The following TMC2 variants were observed in gnomAD, a reference collection of about 807,000 sequenced individuals.
TMC2 encodes the protein transmembrane channel-like protein 2.
A neutral mutation model predicts 105.9 loss-of-function variants in TMC2; 102 were observed. That is an observed-to-expected ratio of 0.96 (90% CI 0.82 to 1.14). The LOEUF (loss-of-function observed/expected upper bound fraction) is 1.14, where lower values mean the gene tolerates loss of function less well. TMC2 is among the 50% of genes most tolerant of loss of function. The pLI is 0.00. For missense variants in TMC2, 1,093 were observed against 1,134.3 expected (o/e 0.96, Z 0.52); for synonymous variants, 402 against 422.8 (o/e 0.95, Z 0.60).
intron 11 of TMC2, among the ~76,000 whole-genome samples, chr20:2,602,919 C>A (rs1291287954): frequency 6.6e-6 from 1 of 152,220 alleles, no homozygotes; most frequent in Non-Finnish European, 1.5e-5. Flanking sequence ...TCTGTGTCCT[C>A]CATCTTTTGA....
In TMC2 at chr20:2,643,348, G is replaced by A. The variant is rs577321780; in HGVS notation, c.*1997G>A. Among the ~76,000 whole-genome samples, 3 of 152,282 alleles carry A rather than the reference G, an allele frequency of 2.0e-5. No homozygotes were observed. Among genetic ancestry groups the A allele is most frequent in the African/African-American group, 7.2e-5 (3 of 41,544 alleles). On this transcript the variant is annotated 3_prime_UTR_variant, in exon 20 of 20. Transcript: ENST00000358864. ...CTGGCCTTCTGCATCAGAATGCCAG[G>A]CCCTGAGGCAGGGAACACTCTGCCT...
chr20:2,613,356 G>A (rs1486810544), intron 14 of TMC2, 34 bp downstream of exon 14: 1 of 1,613,642 alleles, frequency 6.2e-7, no homozygotes, highest in Non-Finnish European at 8.5e-7. Context: ...TCCGCACAAA[G>A]GAATTTCAAC....
intron 7 of TMC2, among the ~76,000 whole-genome samples, chr20:2,583,882 C>G (rs1183413149): frequency 6.6e-6 from 1 of 152,044 alleles, no homozygotes; most frequent in East Asian, 1.9e-4. Context: ...TAAGCCATAC[C>G]CAAAATGCTA....
rs572140578 is a variant in TMC2 at position 2,597,150 on chromosome 20, G to C, written c.1077-1G>C. On this transcript the variant is annotated splice_acceptor_variant, in intron 9 of 19. Transcript: ENST00000358864. LOFTEE classifies it high-confidence loss of function. Reference sequence around the variant, plus strand: ...TCACAACAGTGCTGTGTGCCCTACAGGATGGCCAGCAATACCCAAGGAAGC... The same window carrying C: ...TCACAACAGTGCTGTGTGCCCTACACGATGGCCAGCAATACCCAAGGAAGC... 2 of 1,613,476 alleles carry C rather than the reference G, an allele frequency of 1.2e-6. No individual in the cohort carries two copies. The highest frequency in any genetic ancestry group is 1.7e-6 in the Non-Finnish European group (2 of 1,179,864).
intron 5 of TMC2, among the ~76,000 whole-genome samples, chr20:2,575,629 C>T (rs866200988): frequency 1.3e-5 from 2 of 152,154 alleles, no homozygotes; most frequent in African/African-American, 4.8e-5. Flanking sequence ...TAGACAAATA[C>T]ATCTTTGATA....
chr20:2,556,868 C>CTTT (rs35012600), intron 2 of TMC2, among the ~76,000 whole-genome samples: 1 of 147,432 alleles, frequency 6.8e-6, no homozygotes. Flanking sequence ...GAATTCTGTC[C>CTTT]TTTTTTTTTT....
At chr20:2,557,389 C>G (rs1600099290) in intron 2 of TMC2, among the ~76,000 whole-genome samples, 1 of 152,084 alleles carries the variant, frequency 6.6e-6, no homozygotes, top group South Asian at 2.1e-4. Context: ...TTCTTTACTT[C>G]TATTATAGTG....
chr20:2,619,928 G>A (rs1242777234), intron 16 of TMC2, among the ~76,000 whole-genome samples: 1 of 152,020 alleles, frequency 6.6e-6, no homozygotes, highest in Non-Finnish European at 1.5e-5. Context: ...AAAGGAACTT[G>A]GCTAGCCAGG....
In TMC2 at chr20:2,637,526, G is replaced by C. The variant is rs1420251103; in HGVS notation, c.2438G>C (p.Arg813Thr). The C allele has an allele frequency of 1.9e-6, 3 of 1,614,070 alleles. No homozygotes were observed. Among genetic ancestry groups the C allele is most frequent in the East Asian group, 4.5e-5 (2 of 44,878 alleles). ...HKSVKGKATA[R>T]DSEDTPKSSS... is the part of the protein sequence containing the mutation. ...TCTGTAAAAGGCAAAGCCACAGCCA[G>C]AGATTCAGAGGACACACCTAAAAGC... Residue 813 changes from arginine to threonine, a missense_variant, in exon 19 of 20, where the codon AGA becomes ACA. Coordinates refer to ENST00000358864, the MANE Select transcript of TMC2 (RefSeq NM_080751.3).
At chr20:2,608,122 TAA>T (rs201069847) in intron 11 of TMC2, among the ~76,000 whole-genome samples, 11 of 130,438 alleles carry the variant, frequency 8.4e-5, no homozygotes, top group Admixed American at 1.5e-4. Context: ...AAAACTGTCT[TAA>T]AAAAAAAAAA....
chr20:2,539,021 A>T (rs2085870645), intron 2 of TMC2, among the ~76,000 whole-genome samples: 1 of 152,110 alleles, frequency 6.6e-6, no homozygotes, highest in Admixed American at 6.5e-5. Context: ...CTCCTCCTGT[A>T]TCATTTGGTA....
At chr20:2,602,912 G>C (rs1212397898) in intron 11 of TMC2, among the ~76,000 whole-genome samples, 3 of 152,228 alleles carry the variant, frequency 2.0e-5, no homozygotes, top group Non-Finnish European at 4.4e-5. Context: ...GGTGGAATCT[G>C]TGTCCTCCAT....
At chr20:2,629,553 C>T (rs2086588753) in intron 17 of TMC2, among the ~76,000 whole-genome samples, 1 of 75,930 alleles carries the variant, frequency 1.3e-5, no homozygotes, top group Non-Finnish European at 2.8e-5. Flanking sequence ...AAAAAGTGAC[C>T]TCAAAAGGTG....
intron 5 of TMC2, among the ~76,000 whole-genome samples, chr20:2,573,032 T>G (rs2086114536): frequency 6.7e-6 from 1 of 148,494 alleles, no homozygotes; most frequent in African/African-American, 2.5e-5. Context: ...AAGAGCTCAC[T>G]GCAGCCTTGA....
chr20:2,582,909 C>T (rs2086204953), intron 7 of TMC2, among the ~76,000 whole-genome samples: 1 of 152,206 alleles, frequency 6.6e-6, no homozygotes, highest in South Asian at 2.1e-4. Context: ...CCATTGCCTG[C>T]ACAACCCAGG....
intron 11 of TMC2, among the ~76,000 whole-genome samples, chr20:2,605,643 G>A (rs1011530898): frequency 2.0e-5 from 3 of 152,154 alleles, no homozygotes; most frequent in African/African-American, 4.8e-5. Flanking sequence ...CAAATTTGTG[G>A]GAGGAGGAGG....
intron 2 of TMC2, among the ~76,000 whole-genome samples, chr20:2,551,404 T>G (rs983855652): frequency 6.6e-6 from 1 of 151,740 alleles, no homozygotes; most frequent in Non-Finnish European, 1.5e-5. Context: ...TTTGTGGGTT[T>G]TTTTTTTTAA....
rs1176912972 is a variant in TMC2, at chr20:2,641,402, C to T, written c.*51C>T. ...CCCTAGGGCTGATCCTCAAGTACCCCAGTTTCACACATACCAAACCAAGGT... is the reference window on the plus strand; with the variant it reads ...CCCTAGGGCTGATCCTCAAGTACCCTAGTTTCACACATACCAAACCAAGGT... On this transcript the variant is annotated 3_prime_UTR_variant, in exon 20 of 20. Transcript: ENST00000358864. 8.5e-7 allele frequency: 1 copy of T among 1,175,902 alleles called. No individual in the cohort carries two copies. The highest frequency in any genetic ancestry group is 1.9e-5 in the Admixed American group (1 of 52,616). The allele number at this position is 1,175,902 out of a possible 1,614,324, so 72.8% of individuals were successfully genotyped here.
rs1241705582 is a variant in TMC2, at chr20:2,592,117, A to G, written c.835-193A>G. On this transcript the variant is annotated intron_variant, in intron 7 of 19. Transcript: ENST00000358864. This position sits in a 1 kb window ranked among gnomAD's most constrained non-coding sequence, Gnocchi z 4.9. ...CAGTAAGCTGAGACTGTGCTATTGCACTCCAGCCTGGGTGACAAGAGTGAA... is the reference window on the plus strand; with the variant it reads ...CAGTAAGCTGAGACTGTGCTATTGCGCTCCAGCCTGGGTGACAAGAGTGAA... 6.6e-6 allele frequency among the ~76,000 whole-genome samples: 1 copy of G among 152,216 alleles called. No individual in the cohort carries two copies. The highest frequency in any genetic ancestry group is 1.5e-5 in the Non-Finnish European group (1 of 68,042).
Sources: gnomAD v4.1 joint callset for allele counts (sites outside exome capture counted in the v4.1 genomes callset) on GRCh38, gnomAD v4.1.1 for gene constraint, Gnocchi (gnomAD v3.1) non-coding constraint, MANE v1.5 for transcripts, NCBI Gene and HGNC (gene_info 2026-07-23, HGNC 2026-07-21) for gene names.